Variants in ARB2A observed in about 807,000 individuals in gnomAD.
The protein encoded by ARB2A is ARB2 cotranscriptional regulator A, also known as cotranscriptional regulator ARB2A.
the ARB2A span, among the ~76,000 whole-genome samples, chr5:93,853,293 T>C: frequency 6.6e-6 from 1 of 152,230 alleles, no homozygotes; most frequent in Admixed American, 6.5e-5. Flanking sequence ...TTTGTGATTT[T>C]TGTACATTGA....
At chr5:94,008,574 T>C in the ARB2A span, among the ~76,000 whole-genome samples, 110 of 152,304 alleles carry the variant, frequency 7.2e-4, no homozygotes, top group African/African-American at 2.6e-3. Context: ...ATATTCTAAA[T>C]TTGTTCAGCA....
chr5:93,946,237 G>C, the ARB2A span, among the ~76,000 whole-genome samples: 1 of 151,960 alleles, frequency 6.6e-6, no homozygotes, highest in African/African-American at 2.4e-5. Context: ...GAAGACAAGA[G>C]AGAAACTAAA....
the ARB2A span, among the ~76,000 whole-genome samples, chr5:94,013,300 C>G: frequency 4.3e-3 from 645 of 151,560 alleles, 2 homozygotes; most frequent in Middle Eastern, 6.8e-3. Flanking sequence ...GCCTCAGCCT[C>G]CTGAGTAGCT....
chr5:94,054,914 C>T, the ARB2A span, among the ~76,000 whole-genome samples: 5 of 152,148 alleles, frequency 3.3e-5, no homozygotes, highest in Non-Finnish European at 1.5e-5. Flanking sequence ...CTATTGTAAG[C>T]TCCTTTTTAG....
the ARB2A span, chr5:93,620,763 G>T: frequency 2.1e-6 from 1 of 471,414 alleles, no homozygotes; most frequent in Non-Finnish European, 3.5e-6. Flanking sequence ...GCAGCGCTCA[G>T]CCCGCGCTCA....
chr5:93,663,466 A>AT, the ARB2A span, among the ~76,000 whole-genome samples: 1 of 152,300 alleles, frequency 6.6e-6, no homozygotes, highest in South Asian at 2.1e-4. Flanking sequence ...GAGTAGGGAA[A>AT]TTGGGAGGAA....
At chr5:93,873,870 C>T in the ARB2A span, among the ~76,000 whole-genome samples, 1 of 152,144 alleles carries the variant, frequency 6.6e-6, no homozygotes, top group Non-Finnish European at 1.5e-5. Context: ...GGAAAAGAAA[C>T]TGAACATGCT....
chr5:93,760,740 C>CA, the ARB2A span, among the ~76,000 whole-genome samples: 1 of 152,162 alleles, frequency 6.6e-6, no homozygotes, highest in Non-Finnish European at 1.5e-5. Flanking sequence ...TCACCTTATA[C>CA]AAAAATCAAC....
At chr5:93,888,965 T>A in the ARB2A span, among the ~76,000 whole-genome samples, 1 of 151,782 alleles carries the variant, frequency 6.6e-6, no homozygotes, top group Non-Finnish European at 1.5e-5. Flanking sequence ...ATGCTAGTTA[T>A]ACTTAAGAGT....
chr5:93,740,549 C>T, the ARB2A span: 23 of 1,560,780 alleles, frequency 1.5e-5, no homozygotes, highest in South Asian at 7.2e-5. Context: ...CCTCTCCAAC[C>T]GTGCCGTGAA....
chr5:93,987,015 T>C, the ARB2A span, among the ~76,000 whole-genome samples: 1 of 151,746 alleles, frequency 6.6e-6, no homozygotes, highest in Non-Finnish European at 1.5e-5. Context: ...GATCAATAAA[T>C]ACTAAAAAAA....
chr5:93,867,703 G>C, the ARB2A span, among the ~76,000 whole-genome samples: 1 of 151,964 alleles, frequency 6.6e-6, no homozygotes, highest in African/African-American at 2.4e-5. Flanking sequence ...GCAAATTCAG[G>C]TATAAGAATT....
the ARB2A span, among the ~76,000 whole-genome samples, chr5:93,966,468 T>C: frequency 6.6e-6 from 1 of 152,116 alleles, no homozygotes; most frequent in African/African-American, 2.4e-5. Context: ...AACTCAAAAA[T>C]TGCTTATTTA....
At chr5:93,701,967 A>T in the ARB2A span, among the ~76,000 whole-genome samples, 3 of 152,160 alleles carry the variant, frequency 2.0e-5, no homozygotes, top group African/African-American at 7.2e-5. Flanking sequence ...TTTCAATTCA[A>T]CTTCTCATTA....
At chr5:93,681,228 G>C in the ARB2A span, among the ~76,000 whole-genome samples, 2 of 152,090 alleles carry the variant, frequency 1.3e-5, no homozygotes, top group African/African-American at 4.8e-5. Context: ...CCAGACTGTT[G>C]TAATATTCTA....
the ARB2A span, among the ~76,000 whole-genome samples, chr5:93,975,797 A>G: frequency 6.6e-6 from 1 of 152,082 alleles, no homozygotes; most frequent in African/African-American, 2.4e-5. Flanking sequence ...ACTACCAACC[A>G]AAAAAAGCCC....
chr5:93,799,264 T>C, the ARB2A span, among the ~76,000 whole-genome samples: 1 of 152,082 alleles, frequency 6.6e-6, no homozygotes, highest in Non-Finnish European at 1.5e-5. Context: ...TTTATTTCAA[T>C]CATAAAAATT....
At chr5:94,088,410 G>A in the ARB2A span, among the ~76,000 whole-genome samples, 5 of 152,210 alleles carry the variant, frequency 3.3e-5, no homozygotes, top group Non-Finnish European at 7.3e-5. Flanking sequence ...GCCAGGCACA[G>A]TGGCTGACAC....
At chr5:93,719,174 A>C in the ARB2A span, among the ~76,000 whole-genome samples, 1 of 152,124 alleles carries the variant, frequency 6.6e-6, no homozygotes, top group African/African-American at 2.4e-5. Flanking sequence ...AAATGTCAAA[A>C]CCTTCATAAA....
Sources: gnomAD v4.1 joint callset for allele counts (sites outside exome capture counted in the v4.1 genomes callset) on GRCh38, gnomAD v4.1.1 for gene constraint, MANE v1.5 for transcripts, NCBI Gene and HGNC (gene_info 2026-07-23, HGNC 2026-07-21) for gene names.